PARD3B: variants seen among roughly 807,000 people sequenced by gnomAD.
The protein encoded by PARD3B is par-3 family cell polarity regulator beta.
A neutral mutation model predicts 130.2 loss-of-function variants in PARD3B; 103 were observed. The ratio of observed to expected loss-of-function variants is 0.79; its 90% CI spans 0.67 to 0.93. PARD3B has a LOEUF of 0.93. Among genes scored for constraint, PARD3B ranks in the 40% least tolerant of loss-of-function variants. The pLI is 0.00. For synonymous variants in PARD3B, 583 were observed against 553.2 expected (o/e 1.05, Z -0.76); for missense variants, 1,609 against 1,499.2 (o/e 1.07, Z -1.21).
At chr2:204,946,006 A>G (rs184266500) in intron 2 of PARD3B, among the ~76,000 whole-genome samples, 129 of 152,342 alleles carry the variant, frequency 8.5e-4, no homozygotes, top group Non-Finnish European at 1.6e-3. Flanking sequence ...CACACTAATT[A>G]GGACCAGCTT....
chr2:205,596,270 T>C (rs1033844114), intron 22 of PARD3B, among the ~76,000 whole-genome samples: 10 of 152,240 alleles, frequency 6.6e-5, no homozygotes, highest in African/African-American at 1.9e-4. Flanking sequence ...TTAATAACTT[T>C]TATTATTTGT....
At chr2:204,638,096 GCAAT>G (rs2034950475) in intron 1 of PARD3B, among the ~76,000 whole-genome samples, 1 of 152,104 alleles carries the variant, frequency 6.6e-6, no homozygotes, top group Non-Finnish European at 1.5e-5. Context: ...TGGACTCTCA[GCAAT>G]CAAACTATGC....
chr2:204,732,885 T>G (rs2039578009), intron 2 of PARD3B, among the ~76,000 whole-genome samples: 1 of 152,186 alleles, frequency 6.6e-6, no homozygotes, highest in Admixed American at 6.5e-5. Flanking sequence ...ACCACCTAAT[T>G]TCTGCCTTCT....
chr2:205,416,758 G>C (rs1511869), intron 19 of PARD3B, among the ~76,000 whole-genome samples: 12,328 of 151,918 alleles, frequency 0.081, 1,545 homozygotes, highest in African/African-American at 0.27. Context: ...TACTGTAATA[G>C]ATGCTAAGGA....
chr2:204,632,472 G>C (rs936173624), intron 1 of PARD3B, among the ~76,000 whole-genome samples: 2 of 151,982 alleles, frequency 1.3e-5, no homozygotes, highest in African/African-American at 4.8e-5. Flanking sequence ...CTTTGGATGG[G>C]GTATTTGTGG....
chr2:204,960,553 A>T (rs1690653864), intron 2 of PARD3B, among the ~76,000 whole-genome samples: 1 of 148,738 alleles, frequency 6.7e-6, no homozygotes, highest in African/African-American at 2.5e-5. Context: ...CATTCATTTA[A>T]TTTTTTAAAA....
At position 204,606,189 on chromosome 2, in the gene PARD3B, A is replaced by G. The variant is rs1424766424; in HGVS notation, c.120+60070A>G. Among the ~76,000 whole-genome samples, 1 of 152,098 alleles carries G rather than the reference A, an allele frequency of 6.6e-6. No individual in the cohort carries two copies. Among genetic ancestry groups the G allele is most frequent in the African/African-American group, 2.4e-5 (1 of 41,416 alleles). On this transcript the variant is annotated intron_variant, in intron 1 of 22. Coordinates refer to ENST00000406610, the MANE Select transcript of PARD3B (RefSeq NM_001302769.2). The surrounding 1 kb of genome is among the most constrained non-coding windows in gnomAD (Gnocchi z 4.0). ...TACCTGGATCAGATTTTTGTCTTTG[A>G]GTTTGCCACACATGTGGCATAGTGC...
chr2:205,135,500 C>A (rs2032404107), intron 10 of PARD3B, among the ~76,000 whole-genome samples: 1 of 151,958 alleles, frequency 6.6e-6, no homozygotes, highest in Non-Finnish European at 1.5e-5. Context: ...GAAGTCTGAA[C>A]ATGTTTCATC....
At position 205,033,532 on chromosome 2, in the gene PARD3B, T is replaced by G. The variant is rs902758678; in HGVS notation, c.395-14049T>G. Among the ~76,000 whole-genome samples, 14 of 152,298 alleles carry G rather than the reference T, an allele frequency of 9.2e-5. No homozygotes were observed. In the East Asian group the frequency reaches 2.7e-3, roughly 29 times the overall value. On this transcript the variant is annotated intron_variant, in intron 3 of 22. Transcript: ENST00000406610. The stretch of plus-strand genomic sequence containing the variant: ...TCAATCAGTTGTTCCACTAGTCATT[T>G]AGTGCATGCCTATATTCTGGCTGAG...
intron 3 of PARD3B, among the ~76,000 whole-genome samples, chr2:205,029,902 T>C (rs909704372): frequency 6.6e-6 from 1 of 152,036 alleles, no homozygotes; most frequent in Non-Finnish European, 1.5e-5. Context: ...CCCAAACCAA[T>C]AGGGAGTTGC....
chr2:205,195,498 A>T (rs1308773617), intron 15 of PARD3B, among the ~76,000 whole-genome samples: 1 of 152,250 alleles, frequency 6.6e-6, no homozygotes, highest in Non-Finnish European at 1.5e-5. Context: ...CAGTCAAGTC[A>T]GGGAGCCTAA....
rs889222016 is a variant in PARD3B at position 205,068,579 on chromosome 2, TTA to T, written c.504+20891_504+20892del. Among the ~76,000 whole-genome samples, 8 of 35,800 alleles carry T rather than the reference TTA, an allele frequency of 2.2e-4. No individual in the cohort carries two copies. In the East Asian group the frequency reaches 6.5e-3, roughly 29 times the overall value. The allele number at this position is 35,800 out of a possible 152,430, so 23.5% of individuals were successfully genotyped here. A position where few individuals can be genotyped will look rare whatever the true frequency, so the allele number is the denominator to read the frequency against. ...GCCTAAGAATAGACAAGGAATGAAGTTATTTTTTTTTTTACCTTTTCCTAGCT... is the reference window on the plus strand; with the variant it reads ...GCCTAAGAATAGACAAGGAATGAAGTTTTTTTTTTTTACCTTTTCCTAGCT... On this transcript the variant is annotated intron_variant, in intron 4 of 22. Transcript: ENST00000406610.
At chr2:205,036,648 A>G (rs1168561631) in intron 3 of PARD3B, among the ~76,000 whole-genome samples, 1 of 147,660 alleles carries the variant, frequency 6.8e-6, no homozygotes, top group Non-Finnish European at 1.5e-5. Flanking sequence ...CAAAAAGTAT[A>G]TATACACAGC....
Position 205,440,710 on chromosome 2 carries a change from C to A in PARD3B, c.3044+38C>A. The A allele has an allele frequency of 6.4e-7, 1 of 1,557,426 alleles. No homozygotes were observed. Among genetic ancestry groups the A allele is most frequent in the South Asian group, 1.1e-5 (1 of 88,080 alleles). The stretch of plus-strand genomic sequence containing the variant: ...GTGAAAGATAAATGTAGCTTTAATT[C>A]AGTATGTTTCAAATCATCTCTACTG... On this transcript the variant is annotated intron_variant, in intron 20 of 22. Coordinates refer to ENST00000406610, the MANE Select transcript of PARD3B (RefSeq NM_001302769.2). This position sits in a 1 kb window ranked among gnomAD's most constrained non-coding sequence, Gnocchi z 4.2.
chr2:205,453,658 A>G (rs757062044), intron 20 of PARD3B, among the ~76,000 whole-genome samples: 1 of 152,210 alleles, frequency 6.6e-6, no homozygotes, highest in Non-Finnish European at 1.5e-5. Context: ...GCTTCCAGCC[A>G]TGCTAAGGTT....
At position 205,341,840 on chromosome 2, in the gene PARD3B, C is replaced by T. The variant is rs1292051285; in HGVS notation, c.2630+40139C>T. 6.6e-6 allele frequency among the ~76,000 whole-genome samples: 1 copy of T among 151,754 alleles called. No homozygotes were observed. Among genetic ancestry groups the T allele is most frequent in the East Asian group, 1.9e-4 (1 of 5,182 alleles). The stretch of plus-strand genomic sequence containing the variant: ...TATTAAAATATCACTCTGTATTACT[C>T]CTAAATATGTACAATTATTACACAT... On this transcript the variant is annotated intron_variant, in intron 18 of 22. Transcript: ENST00000406610. This position sits in a 1 kb window ranked among gnomAD's most constrained non-coding sequence, Gnocchi z 4.3.
At chr2:204,741,788 G>A (rs1241809652) in intron 2 of PARD3B, among the ~76,000 whole-genome samples, 1 of 152,074 alleles carries the variant, frequency 6.6e-6, no homozygotes, top group African/African-American at 2.4e-5. Flanking sequence ...CTGGCCCAGG[G>A]ATATTATGTG....
intron 2 of PARD3B, among the ~76,000 whole-genome samples, chr2:204,752,909 A>G (rs1216693714): frequency 2.0e-5 from 3 of 152,178 alleles, no homozygotes; most frequent in Admixed American, 6.6e-5. Context: ...TGTACTATAC[A>G]GGTTAATTTT....
intron 21 of PARD3B, among the ~76,000 whole-genome samples, chr2:205,502,416 C>T (rs568171366): frequency 6.6e-6 from 1 of 152,220 alleles, no homozygotes; most frequent in African/African-American, 2.4e-5. Context: ...TCAAGGGATG[C>T]GCCACGTGGT....
Sources: gnomAD v4.1 joint callset for allele counts (sites outside exome capture counted in the v4.1 genomes callset) on GRCh38, gnomAD v4.1.1 for gene constraint, Gnocchi (gnomAD v3.1) non-coding constraint, MANE v1.5 for transcripts, NCBI Gene and HGNC (gene_info 2026-07-23, HGNC 2026-07-21) for gene names.